SMAP2: variants seen among roughly 807,000 people sequenced by gnomAD.
SMAP2 encodes the protein stromal membrane-associated protein 2.
Under a neutral mutation model 56.4 loss-of-function variants are expected in SMAP2, and 25 were observed. The ratio of observed to expected loss-of-function variants is 0.44; its 90% CI spans 0.32 to 0.62. The LOEUF is 0.62. SMAP2 is among the 20% of genes least tolerant of loss of function. SMAP2 has a pLI of 0.04. For synonymous variants in SMAP2, 157 were observed against 181.7 expected (o/e 0.86, Z 1.09); for missense variants, 388 against 545.6 (o/e 0.71, Z 2.88).
chr1:40,347,402 T>C (rs1644393888), intron 1 of SMAP2, among the ~76,000 whole-genome samples: 1 of 152,092 alleles, frequency 6.6e-6, no homozygotes, highest in South Asian at 2.1e-4. Context: ...TTTTCATATG[T>C]ATTTCTTTCA....
chr1:40,409,004 T>A (rs1373027189), intron 3 of SMAP2, among the ~76,000 whole-genome samples: 1 of 152,250 alleles, frequency 6.6e-6, no homozygotes, highest in African/African-American at 2.4e-5. Flanking sequence ...TAAAGTTACA[T>A]CTCCACTAGT....
rs1361013736 is a variant in SMAP2 at position 40,422,323 on chromosome 1, C to CCCAGTCCTCT, written c.*225_*234dup. The CCCAGTCCTCT allele has an allele frequency of 3.8e-6, 2 of 528,258 alleles. No homozygotes were observed. The highest frequency in any genetic ancestry group is 6.7e-6 in the Non-Finnish European group (2 of 299,794). 32.7% of individuals were successfully genotyped at this position (528,258 alleles called of 1,614,324 possible). A position where few individuals can be genotyped will look rare whatever the true frequency, so the allele number is the denominator to read the frequency against. ...GCCCCATAGCCATCCCAACGTCCTC[C>CCCAGTCCTCT]CCAGTCCTCTCCTGGCACCAGCACC... On this transcript the variant is annotated 3_prime_UTR_variant, in exon 10 of 10. Transcript: ENST00000372718.
chr1:40,416,423 A>C, intron 8 of SMAP2, 82 bp downstream of exon 8: 1 of 1,491,272 alleles, frequency 6.7e-7, no homozygotes, highest in Non-Finnish European at 9.1e-7. Context: ...GTGACAGAGG[A>C]CAGTTGCTTT....
chr1:40,381,175 C>A (rs570345554), intron 1 of SMAP2, among the ~76,000 whole-genome samples: 51 of 152,294 alleles, frequency 3.3e-4, no homozygotes, highest in Admixed American at 2.2e-3. Flanking sequence ...AGCCTGAGAT[C>A]CCCCACTACA....
intron 2 of SMAP2, among the ~76,000 whole-genome samples, chr1:40,363,171 A>G (rs3013461): frequency 0.55 from 83,361 of 152,004 alleles, 24,208 homozygotes; most frequent in African/African-American, 0.73. Context: ...ATTGAGCATT[A>G]ATTTAACAAA....
At chr1:40,411,794 G>A (rs209602) in intron 4 of SMAP2, among the ~76,000 whole-genome samples, 137,298 of 152,272 alleles carry the variant, frequency 0.9, 62,069 homozygotes, top group East Asian at 0.97. Flanking sequence ...CTTTGTATGA[G>A]AAAAACAGCT....
chr1:40,351,987 C>T lies in SMAP2; in HGVS notation c.-83+7077C>T, dbSNP rs372025851. Among the ~76,000 whole-genome samples, 43 of 152,082 alleles carry T rather than the reference C, an allele frequency of 2.8e-4. No individual in the cohort carries two copies. In the East Asian group the frequency reaches 7.7e-3, roughly 27 times the overall value. On this transcript the variant is annotated intron_variant, in intron 1 of 6. Transcript: ENST00000435168. ...TGCACATCCCTGCAAATCTGAGGCC[C>T]TCTCTCCCCAAGACTGCACACACCC...
chr1:40,381,411 A>C (rs1272049072), intron 1 of SMAP2, among the ~76,000 whole-genome samples: 1 of 152,228 alleles, frequency 6.6e-6, no homozygotes, highest in Non-Finnish European at 1.5e-5. Flanking sequence ...CTTCCTCGGG[A>C]AGTCATGGCT....
chr1:40,394,328 C>A (rs750129659), intron 1 of SMAP2, among the ~76,000 whole-genome samples: 1 of 152,148 alleles, frequency 6.6e-6, no homozygotes, highest in Non-Finnish European at 1.5e-5. Context: ...ATCATCAGTT[C>A]ACTCCATGAA....
chr1:40,375,091 G>C, intron 1 of SMAP2: 1 of 985,322 alleles, frequency 1.0e-6, no homozygotes, highest in Non-Finnish European at 1.2e-6. Flanking sequence ...TTCATGATTT[G>C]ATACAATTAA....
At chr1:40,403,621 G>C in intron 1 of SMAP2, 2 of 984,380 alleles carry the variant, frequency 2.0e-6, no homozygotes, top group Non-Finnish European at 1.2e-6. Flanking sequence ...GTGGGTTCTG[G>C]AAACCTTATT....
upstream of SMAP2, among the ~76,000 whole-genome samples, chr1:40,371,612 A>G (rs1342383499): frequency 6.6e-6 from 1 of 152,212 alleles, no homozygotes; most frequent in African/African-American, 2.4e-5. Flanking sequence ...GAAGCACAAG[A>G]GGCTCAAAGC....
intron 5 of SMAP2, among the ~76,000 whole-genome samples, chr1:40,413,631 G>C (rs1644959037): frequency 6.6e-6 from 1 of 152,202 alleles, no homozygotes; most frequent in African/African-American, 2.4e-5. Flanking sequence ...TTGGGAGAGA[G>C]GACTTTACTT....
Position 40,393,353 on chromosome 1 carries a change from G to C in SMAP2, c.104-13383G>C. 3 of 1,533,084 alleles carry C rather than the reference G, an allele frequency of 2.0e-6. No individual in the cohort carries two copies. The South Asian group carries it at 3.6e-5, about 18-fold the overall frequency. The allele number at this position is 1,533,084 out of a possible 1,614,324, so 95.0% of individuals were successfully genotyped here. On this transcript the variant is annotated intron_variant, in intron 1 of 9. Coordinates refer to ENST00000372718, the MANE Select transcript of SMAP2 (RefSeq NM_022733.3). ...CCAACAACAGAACAACCACAAATGAGTGAGTGCAGCAGGAGAGGCAGCAGA... is the reference window on the plus strand; with the variant it reads ...CCAACAACAGAACAACCACAAATGACTGAGTGCAGCAGGAGAGGCAGCAGA...
At chr1:40,395,956 T>A (rs1644767611) in intron 1 of SMAP2, among the ~76,000 whole-genome samples, 1 of 152,216 alleles carries the variant, frequency 6.6e-6, no homozygotes, top group African/African-American at 2.4e-5. Context: ...TTAACCTCCT[T>A]TTTCCGGTTA....
intron 1 of SMAP2, among the ~76,000 whole-genome samples, chr1:40,359,533 A>G (rs879283278): frequency 3.9e-5 from 6 of 152,178 alleles, no homozygotes; most frequent in Non-Finnish European, 8.8e-5. Context: ...ATTGGTAAGT[A>G]AGGACTTATG....
chr1:40,387,730 C>G (rs536074729), intron 1 of SMAP2, among the ~76,000 whole-genome samples: 1 of 152,318 alleles, frequency 6.6e-6, no homozygotes, highest in East Asian at 1.9e-4. Context: ...GGTGCCTCCT[C>G]GGCCTTGGCA....
upstream of SMAP2, among the ~76,000 whole-genome samples, chr1:40,373,237 C>A (rs1165271284): frequency 6.6e-6 from 1 of 152,068 alleles, no homozygotes; most frequent in Non-Finnish European, 1.5e-5. Flanking sequence ...GAGAGGTGAC[C>A]AGAGTCCTCT....
rs971156373 is a variant in SMAP2, at chr1:40,386,316, C to A, written c.103+12093C>A. ...TTTGGAACAGGGATTGACTTTGTCT[C>A]TCTGAAAGTAGGCATGAAGAGTTCG... On this transcript the variant is annotated intron_variant, in intron 1 of 9. Transcript: ENST00000372718. The surrounding 1 kb of genome is among the most constrained non-coding windows in gnomAD (Gnocchi z 4.1). 2.0e-5 allele frequency among the ~76,000 whole-genome samples: 3 copies of A among 152,216 alleles called. No individual in the cohort carries two copies. Among genetic ancestry groups the A allele is most frequent in the African/African-American group, 7.2e-5 (3 of 41,456 alleles).
Sources: gnomAD v4.1 joint callset for allele counts (sites outside exome capture counted in the v4.1 genomes callset) on GRCh38, gnomAD v4.1.1 for gene constraint, Gnocchi (gnomAD v3.1) non-coding constraint, MANE v1.5 for transcripts, NCBI Gene and HGNC (gene_info 2026-07-23, HGNC 2026-07-21) for gene names.